Variants in ZNF609 observed in about 807,000 individuals in gnomAD.
ZNF609 encodes the protein zinc finger protein 609.
A neutral mutation model predicts 109.5 loss-of-function variants in ZNF609; 11 were observed. That is an observed-to-expected ratio of 0.10 (90% CI 0.06 to 0.17). ZNF609 has a LOEUF of 0.17. Among genes scored for constraint, ZNF609 ranks in the 10% least tolerant of loss-of-function variants. The pLI, the probability that ZNF609 is intolerant of heterozygous loss-of-function variation, is 1.00. For synonymous variants in ZNF609, 646 were observed against 662.0 expected, an observed-to-expected ratio of 0.98 and a Z score of 0.37; for missense variants, 1,559 against 1,772.4, an observed-to-expected ratio of 0.88 and a Z score of 2.16.
intron 2 of ZNF609, among the ~76,000 whole-genome samples, chr15:64,592,485 C>T (rs530256505): frequency 4.6e-5 from 7 of 152,050 alleles, no homozygotes; most frequent in Non-Finnish European, 5.9e-5. Context: ...GGCTAAGGCA[C>T]GAGAATTGCT....
intron 2 of ZNF609, among the ~76,000 whole-genome samples, chr15:64,616,812 C>CTTGTT (rs1895805805): frequency 3.0e-5 from 1 of 32,820 alleles, no homozygotes; most frequent in African/African-American, 1.4e-4. Context: ...AGCCACCATG[C>CTTGTT]TTTTTTTTTT....
chr15:64,590,441 C>G (rs1258294154), intron 2 of ZNF609, among the ~76,000 whole-genome samples: 1 of 151,904 alleles, frequency 6.6e-6, no homozygotes, highest in Non-Finnish European at 1.5e-5. Flanking sequence ...ACTGCCTCAG[C>G]TTCCTGAGTA....
At chr15:64,615,993 A>G (rs1474468977) in intron 2 of ZNF609, among the ~76,000 whole-genome samples, 1 of 152,150 alleles carries the variant, frequency 6.6e-6, no homozygotes, top group African/African-American at 2.4e-5. Flanking sequence ...GGAAAAGGCA[A>G]GGTCTATCTC....
chr15:64,553,105 G>A (rs1894511661), intron 2 of ZNF609, among the ~76,000 whole-genome samples: 1 of 152,058 alleles, frequency 6.6e-6, no homozygotes, highest in Non-Finnish European at 1.5e-5. Flanking sequence ...TGGACTCTCT[G>A]ATTTGTCTAT....
chr15:64,564,541 C>T (rs558961346), intron 2 of ZNF609, among the ~76,000 whole-genome samples: 1 of 151,936 alleles, frequency 6.6e-6, no homozygotes, highest in Admixed American at 6.6e-5. Context: ...AAGTAAAAAG[C>T]AGTTTGTTTT....
At chr15:64,578,079 A>G (rs1224224408) in intron 2 of ZNF609, among the ~76,000 whole-genome samples, 4 of 151,874 alleles carry the variant, frequency 2.6e-5, no homozygotes, top group East Asian at 1.9e-4. Flanking sequence ...GTGTGACTGC[A>G]TAGGGAAAAA....
At chr15:64,522,689 A>G (rs1289448557) in intron 2 of ZNF609, among the ~76,000 whole-genome samples, 1 of 152,150 alleles carries the variant, frequency 6.6e-6, no homozygotes, top group African/African-American at 2.4e-5. Flanking sequence ...TTCTCTTTGG[A>G]AAGAGGTGTC....
At chr15:64,576,941 A>ATGT (rs1567018973) in intron 2 of ZNF609, among the ~76,000 whole-genome samples, 40 of 127,912 alleles carry the variant, frequency 3.1e-4, no homozygotes, top group African/African-American at 1.0e-3. Flanking sequence ...TATACATATA[A>ATGT]ATATATACAT....
rs140053520 is a variant in ZNF609, at chr15:64,499,443, C to T, written c.24C>T (p.Ser8=). ...AGATGTCCTTGAGCAGTGGAGCCTC[C>T]GGAGGGAAAGGAGTGGATGCAAACC... MSLSSGA[S]GGKGVDANPV... The change falls in exon 2 of 10, where the codon TCC becomes TCT. Residue 8 remains serine (S), a synonymous_variant. Transcript: ENST00000326648. 62 of 1,613,674 alleles carry T rather than the reference C, an allele frequency of 3.8e-5. No homozygotes were observed. Among genetic ancestry groups the T allele is most frequent in the Admixed American group, 6.7e-5 (4 of 59,968 alleles).
At chr15:64,517,701 C>G (rs1893833747) in intron 2 of ZNF609, among the ~76,000 whole-genome samples, 1 of 151,660 alleles carries the variant, frequency 6.6e-6, no homozygotes, top group African/African-American at 2.4e-5. Context: ...AAGATCCCAT[C>G]TAAAAAAATA....
intron 2 of ZNF609, among the ~76,000 whole-genome samples, chr15:64,559,229 A>G (rs1894640020): frequency 6.6e-6 from 1 of 152,256 alleles, no homozygotes. Flanking sequence ...CTATTTAGAA[A>G]GAAAGGATCT....
chr15:64,529,284 G>A (rs1894019293), intron 2 of ZNF609: 6 of 716,054 alleles, frequency 8.4e-6, no homozygotes, highest in South Asian at 8.4e-5. Context: ...CACAAACATG[G>A]GGGCATCAAC....
intron 2 of ZNF609, among the ~76,000 whole-genome samples, chr15:64,523,218 T>C (rs1342063027): frequency 6.6e-6 from 1 of 152,220 alleles, no homozygotes. Flanking sequence ...TATATTTTAA[T>C]TTATATTCTC....
chr15:64,500,762 A>G (rs759870076), intron 2 of ZNF609: 17 of 265,908 alleles, frequency 6.4e-5, no homozygotes, highest in Non-Finnish European at 1.1e-4. Context: ...CTTATGAGTT[A>G]TTGTTGTGGT....
At chr15:64,577,629 ACATATAAATATATACATATATATGTG>A (rs1306428016) in intron 2 of ZNF609, among the ~76,000 whole-genome samples, 4 of 32,302 alleles carry the variant, frequency 1.2e-4, no homozygotes, top group African/African-American at 3.9e-4. Context: ...GTATATATAC[ACATATAAATATATACATATATATGTG>A]TATATATACA....
At chr15:64,543,546 G>A (rs557999971) in intron 2 of ZNF609, among the ~76,000 whole-genome samples, 10 of 150,984 alleles carry the variant, frequency 6.6e-5, no homozygotes, top group South Asian at 4.2e-4. Context: ...GGGTTCAAAC[G>A]TTTCTCCTGC....
intron 2 of ZNF609, among the ~76,000 whole-genome samples, chr15:64,604,980 C>T (rs546684715): frequency 1.5e-4 from 23 of 152,080 alleles, no homozygotes; most frequent in African/African-American, 3.9e-4. Flanking sequence ...TCCAGGTGCC[C>T]GCCACCACGC....
chr15:64,468,398 C>T (rs1174219742), intron 1 of ZNF609, among the ~76,000 whole-genome samples: 1 of 151,772 alleles, frequency 6.6e-6, no homozygotes, highest in Non-Finnish European at 1.5e-5. Context: ...CTCATTCCAG[C>T]CTCAATGCCA....
intron 2 of ZNF609, among the ~76,000 whole-genome samples, chr15:64,611,850 A>G (rs1348460772): frequency 6.6e-6 from 1 of 150,644 alleles, no homozygotes; most frequent in African/African-American, 2.4e-5. Flanking sequence ...TCTCTGCCTC[A>G]GCCTCCCGAG....
Sources: allele counts gnomAD v4.1 joint callset (sites outside exome capture counted in the v4.1 genomes callset), GRCh38; gene constraint gnomAD v4.1.1; transcripts MANE v1.5; gene names NCBI Gene and HGNC (gene_info 2026-07-23, HGNC 2026-07-21).